PRKAG2: variants seen among roughly 807,000 people sequenced by gnomAD.
PRKAG2 encodes the protein protein kinase AMP-activated non-catalytic subunit gamma 2, also known as 5'-AMP-activated protein kinase subunit gamma-2.
Under a neutral mutation model 69.6 loss-of-function variants are expected in PRKAG2, and 26 were observed. That is an observed-to-expected ratio of 0.37 (90% confidence interval 0.27 to 0.52). The LOEUF is 0.52. Among genes scored for constraint, PRKAG2 ranks in the 20% least tolerant of loss-of-function variants. PRKAG2 has a pLI of 0.90. For missense variants in PRKAG2, 557 were observed against 740.0 expected (o/e 0.75, Z 2.87); for synonymous variants, 293 against 285.0 (o/e 1.03, Z -0.28).
rs772485064 is a variant in PRKAG2 at position 151,632,321 on chromosome 7, GGCC to G, written c.685-186_685-184del. ...GGGAGCGCTGCCCCCACCCGCCCGA[GGCC>G]GCCGCCGCCGCCGCAGGTGGCGCGG... On this transcript the variant is annotated intron_variant, in intron 4 of 15. Coordinates refer to ENST00000287878, the MANE Select transcript of PRKAG2 (RefSeq NM_016203.4). This position sits in a 1 kb window ranked among gnomAD's most constrained non-coding sequence, Gnocchi z 4.2. The G allele has an allele frequency of 1.9e-4, 150 of 793,436 alleles. No individual in the cohort carries two copies. The highest frequency in any genetic ancestry group is 2.3e-4 in the South Asian group (4 of 17,260). 49.1% of individuals were successfully genotyped at this position (793,436 alleles called of 1,614,324 possible).
chr7:151,831,624 G>A (rs1056258874), intron 1 of PRKAG2, among the ~76,000 whole-genome samples: 1 of 152,214 alleles, frequency 6.6e-6, no homozygotes, highest in African/African-American at 2.4e-5. Flanking sequence ...AGGCAAACAC[G>A]TGCCCTTGTT....
chr7:151,588,422 G>T (rs1213123804), intron 6 of PRKAG2, among the ~76,000 whole-genome samples: 2 of 151,870 alleles, frequency 1.3e-5, no homozygotes, highest in Non-Finnish European at 2.9e-5. Flanking sequence ...TGTGCAAGTG[G>T]TGCAATCTTG....
chr7:151,729,845 C>A (rs538780741), intron 3 of PRKAG2, among the ~76,000 whole-genome samples: 2 of 152,206 alleles, frequency 1.3e-5, no homozygotes, highest in Non-Finnish European at 1.5e-5. Context: ...CCCACTGAAC[C>A]GACCCCTCGC....
rs377221615 is a variant in PRKAG2 at position 151,560,640 on chromosome 7, C to T, written c.1585-23G>A. 5.8e-5 allele frequency: 94 copies of T among 1,613,498 alleles called. 2 individuals carry two copies. In the South Asian group the frequency reaches 9.0e-4, roughly 15 times the overall value. Reference sequence around the variant, plus strand: ...GACCTGCAAAGAGAAAAGCAGGACACGTGAAAATTAACATTTAAAAAAGGT... The same window carrying T: ...GACCTGCAAAGAGAAAAGCAGGACATGTGAAAATTAACATTTAAAAAAGGT... On this transcript the variant is annotated intron_variant, in intron 14 of 15. Coordinates refer to ENST00000287878, the MANE Select transcript of PRKAG2 (RefSeq NM_016203.4).
At chr7:151,634,193 A>G (rs1186547046) in intron 4 of PRKAG2, among the ~76,000 whole-genome samples, 1 of 152,250 alleles carries the variant, frequency 6.6e-6, no homozygotes, top group East Asian at 1.9e-4. Context: ...TAGAAAACCC[A>G]GAAATAGACC....
At chr7:151,616,304 G>GCA (rs1245077871) in intron 5 of PRKAG2, among the ~76,000 whole-genome samples, 4 of 151,964 alleles carry the variant, frequency 2.6e-5, no homozygotes, top group Non-Finnish European at 5.9e-5. Flanking sequence ...ATGCACACAG[G>GCA]CACACACACA....
At chr7:151,844,032 G>A (rs1276275743) in intron 1 of PRKAG2, among the ~76,000 whole-genome samples, 2 of 152,244 alleles carry the variant, frequency 1.3e-5, no homozygotes, top group African/African-American at 4.8e-5. Flanking sequence ...GTTTGGAGAT[G>A]TAGAAGGAGG....
chr7:151,841,556 TGGTAGTGATGGTA>T (rs951119454), intron 1 of PRKAG2, among the ~76,000 whole-genome samples: 1 of 142,174 alleles, frequency 7.0e-6, no homozygotes, highest in Non-Finnish European at 1.5e-5. Context: ...TAGGTAGGGA[TGGTAGTGATGGTA>T]GGTAGTGATG....
At chr7:151,714,780 T>C (rs1795895369) in intron 3 of PRKAG2, among the ~76,000 whole-genome samples, 1 of 151,414 alleles carries the variant, frequency 6.6e-6, no homozygotes, top group Non-Finnish European at 1.5e-5. Flanking sequence ...CGAAACCTCA[T>C]CTCTACTAAA....
Position 151,781,417 on chromosome 7 carries a change from G to A in PRKAG2, c.201C>T (p.Phe67=), listed in dbSNP as rs759893229. 4.4e-6 allele frequency: 7 copies of A among 1,607,412 alleles called. No homozygotes were observed. The East Asian group carries it at 6.7e-5, about 15-fold the overall frequency. ...KHSSRKVDSP[F]GPGSPSKGFF... ...ACCCTTTGGAGGGGCTGCCCGGGCC[G>A]AAGGGGCTGTCCACCTGCAGAAAAA... Residue 67 remains phenylalanine, a synonymous_variant, in exon 3 of 16, where the codon TTC becomes TTT. Transcript: ENST00000287878. The surrounding 1 kb of genome is among the most constrained non-coding windows in gnomAD (Gnocchi z 6.1).
rs573235989 is a variant in PRKAG2, at chr7:151,845,890, G to A, written c.114+30617C>T. On this transcript the variant is annotated intron_variant, in intron 1 of 15. Coordinates refer to ENST00000287878, the MANE Select transcript of PRKAG2 (RefSeq NM_016203.4). ...GCCGCTCCCTCAGGGTCCCTCTCCC[G>A]GCATCTGGGGGCTGGATTTTCACAC... 2.2e-4 allele frequency among the ~76,000 whole-genome samples: 33 copies of A among 152,302 alleles called. 1 individual carries two copies. The highest frequency in any genetic ancestry group is 1.4e-3 in the South Asian group (7 of 4,830).
intron 4 of PRKAG2, among the ~76,000 whole-genome samples, chr7:151,674,598 C>T (rs1172023082): frequency 2.0e-5 from 3 of 152,178 alleles, no homozygotes; most frequent in East Asian, 1.9e-4. Context: ...AGTGAAGCCA[C>T]GGAGATTCGC....
At chr7:151,647,779 G>A (rs940832693) in intron 4 of PRKAG2, among the ~76,000 whole-genome samples, 2 of 152,114 alleles carry the variant, frequency 1.3e-5, no homozygotes, top group Non-Finnish European at 2.9e-5. Flanking sequence ...ATCGTTTTTG[G>A]CAATATAAAA....
chr7:151,730,138 G>A (rs1798699497), intron 3 of PRKAG2, among the ~76,000 whole-genome samples: 1 of 152,174 alleles, frequency 6.6e-6, no homozygotes, highest in African/African-American at 2.4e-5. Context: ...GGTGAAGATG[G>A]TAAATTTGTA....
At chr7:151,847,958 T>C (rs552666289) in intron 1 of PRKAG2, among the ~76,000 whole-genome samples, 1 of 152,250 alleles carries the variant, frequency 6.6e-6, no homozygotes, top group East Asian at 1.9e-4. Context: ...ACCACAGCAG[T>C]CAGGAAACAC....
At chr7:151,820,361 C>T (rs894715598) in intron 1 of PRKAG2, among the ~76,000 whole-genome samples, 8 of 152,248 alleles carry the variant, frequency 5.3e-5, no homozygotes, top group African/African-American at 1.9e-4. Flanking sequence ...CTGCCGTGGG[C>T]TCCTTTGACT....
rs193127126 is a variant in PRKAG2, at chr7:151,747,413, C to T, written c.466+33739G>A. 2.6e-3 allele frequency among the ~76,000 whole-genome samples: 392 copies of T among 152,164 alleles called. 8 individuals are homozygous for T. Among genetic ancestry groups the T allele is most frequent in the Non-Finnish European group, 4.7e-4 (32 of 67,994 alleles). On this transcript the variant is annotated intron_variant, in intron 3 of 15. Transcript: ENST00000287878. ...CTCTACTAAAAATACAAAAATTAGC[C>T]GGGCGTGGTGGCGGGCGCCTGTAAT...
At position 151,807,316 on chromosome 7, in the gene PRKAG2, G is replaced by A. The variant is rs1201383712; in HGVS notation, c.115-20775C>T. 3 of 426,706 alleles carry A rather than the reference G, an allele frequency of 7.0e-6. No individual in the cohort carries two copies. The highest frequency in any genetic ancestry group is 4.0e-5 in the African/African-American group (2 of 49,386). The allele number at this position is 426,706 out of a possible 1,614,324, so 26.4% of individuals were successfully genotyped here. ...AAGAAAAACAAGCAATCTACAGAAC[G>A]TGGGAAAATGCCTATATTAAGAATC... On this transcript the variant is annotated intron_variant, in intron 1 of 15. Coordinates refer to ENST00000287878, the MANE Select transcript of PRKAG2 (RefSeq NM_016203.4). The surrounding 1 kb of genome is among the most constrained non-coding windows in gnomAD (Gnocchi z 4.4).
intron 1 of PRKAG2, among the ~76,000 whole-genome samples, chr7:151,793,616 T>C (rs989453441): frequency 1.3e-5 from 2 of 152,144 alleles, no homozygotes; most frequent in South Asian, 2.1e-4. Context: ...GAGTGGCTCA[T>C]AGGTTCTGAC....
Sources: allele counts gnomAD v4.1 joint callset (sites outside exome capture counted in the v4.1 genomes callset), GRCh38; gene constraint gnomAD v4.1.1; non-coding constraint Gnocchi (gnomAD v3.1); transcripts MANE v1.5; gene names NCBI Gene and HGNC (gene_info 2026-07-23, HGNC 2026-07-21).